Variants in CARS1 observed in about 807,000 individuals in gnomAD.
CARS1 encodes cysteinyl-tRNA synthetase 1, also known as cysteine--tRNA ligase, cytoplasmic.
In CARS1, 48 loss-of-function variants were observed where a neutral mutation model predicts 106.2. That is an observed-to-expected ratio of 0.45 (90% CI 0.36 to 0.57). The LOEUF is 0.57. Among genes scored for constraint, CARS1 ranks in the 20% least tolerant of loss-of-function variants. The pLI is 0.00. For synonymous variants in CARS1, 409 were observed against 403.4 expected, an observed-to-expected ratio of 1.01 and a Z score of -0.17; for missense variants, 968 against 1,057.2, an observed-to-expected ratio of 0.92 and a Z score of 1.17.
In CARS1 at chr11:3,017,523, A is replaced by T; in HGVS notation, c.1728-228T>A. The stretch of plus-strand genomic sequence containing the variant: ...CCAGGTATGGTGGCGCATGCCTGTA[A>T]CCCCAGCTACTCGGGAGGCTGAGGC... On this transcript the variant is annotated intron_variant, in intron 15 of 22. Coordinates refer to ENST00000380525, the MANE Select transcript of CARS1 (RefSeq NM_001014437.3). The surrounding 1 kb of genome is among the most constrained non-coding windows in gnomAD (Gnocchi z 4.9). 1.8e-6 allele frequency: 1 copy of T among 566,600 alleles called. No individual in the cohort carries two copies. The highest frequency in any genetic ancestry group is 3.1e-6 in the Non-Finnish European group (1 of 319,348). The allele number at this position is 566,600 out of a possible 1,614,324, so 35.1% of individuals were successfully genotyped here. A position where few individuals can be genotyped will look rare whatever the true frequency, so the allele number is the denominator to read the frequency against.
At chr11:3,049,541 T>G (rs577665220) in intron 1 of CARS1, among the ~76,000 whole-genome samples, 4 of 152,294 alleles carry the variant, frequency 2.6e-5, no homozygotes, top group Admixed American at 2.6e-4. Context: ...TGAGCACAGG[T>G]GCATCCAAAC....
At position 3,038,982 on chromosome 11, in the gene CARS1, A is replaced by G. The variant is rs1040509634; in HGVS notation, c.651+212T>C. On this transcript the variant is annotated intron_variant, in intron 6 of 22. Coordinates refer to ENST00000380525, the MANE Select transcript of CARS1 (RefSeq NM_001014437.3). This position sits in a 1 kb window ranked among gnomAD's most constrained non-coding sequence, Gnocchi z 4.0. ...GTGGCAGGAATGTCACCTACTCTCC[A>G]CTCCACTCCAGTACATCTTTGCTGG... 2.6e-5 allele frequency among the ~76,000 whole-genome samples: 4 copies of G among 151,884 alleles called. No individual in the cohort carries two copies. The highest frequency in any genetic ancestry group is 4.8e-5 in the African/African-American group (2 of 41,324).
rs749663366 is a variant in CARS1 at position 3,047,924 on chromosome 11, G to A, written c.103C>T (p.Arg35Cys). The A allele has an allele frequency of 1.7e-5, 28 of 1,614,014 alleles. No individual in the cohort carries two copies. The highest frequency in any genetic ancestry group is 1.6e-4 in the Middle Eastern group (1 of 6,084). Residue 35 changes from arginine (R) to cysteine (C), a missense_variant, in exon 2 of 23, where the codon CGT becomes TGT. Coordinates refer to ENST00000380525, the MANE Select transcript of CARS1 (RefSeq NM_001014437.3). ...AGTGAGTACCCCTGGACATAGCTACGCGTGCTGAGGTGCTCGTTCAGGGCT... is the reference window on the plus strand; with the variant it reads ...AGTGAGTACCCCTGGACATAGCTACACGTGCTGAGGTGCTCGTTCAGGGCT... ...AQALNEHLST[R>C]SYVQGYSLSQ...
chr11:3,009,999 C>T (rs1365953480), intron 18 of CARS1, among the ~76,000 whole-genome samples: 1 of 152,218 alleles, frequency 6.6e-6, no homozygotes, highest in Non-Finnish European at 1.5e-5. Context: ...CTCTGGCTCA[C>T]AAGGCACATA....
At chr11:3,032,120 T>C (rs1852917400) in intron 7 of CARS1, among the ~76,000 whole-genome samples, 1 of 147,152 alleles carries the variant, frequency 6.8e-6, no homozygotes, top group Non-Finnish European at 1.5e-5. Context: ...GTCACCAGGC[T>C]GGAGTGCAGT....
In CARS1 at chr11:3,040,846, C is replaced by A; in HGVS notation, c.455+50G>T. The A allele has an allele frequency of 6.3e-7, 1 of 1,597,438 alleles. No homozygotes were observed. The highest frequency in any genetic ancestry group is 2.2e-5 in the East Asian group (1 of 44,710). ...CTGCTGTGGATCCCAATGGCTCTGA[C>A]TTCTGCGTGCAACTGCAGAAGCTGC... On this transcript the variant is annotated intron_variant, in intron 4 of 22. Transcript: ENST00000380525. The surrounding 1 kb of genome is among the most constrained non-coding windows in gnomAD (Gnocchi z 5.8).
At chr11:3,055,410 G>GGATT (rs1322504096) in intron 1 of CARS1, among the ~76,000 whole-genome samples, 3 of 152,178 alleles carry the variant, frequency 2.0e-5, no homozygotes, top group African/African-American at 7.2e-5. Flanking sequence ...CAAAGTGCTG[G>GGATT]GATTACAGGT....
At position 3,057,200 on chromosome 11, in the gene CARS1, C is replaced by T. The variant is rs1856304358; in HGVS notation, c.25+143G>A. ...CCCTCAGACCTCGGGCACTGCCGCC[C>T]CTCAGACCACGGACACAGCTGCCCC... On this transcript the variant is annotated intron_variant, in intron 1 of 22. Transcript: ENST00000380525. 5 of 730,884 alleles carry T rather than the reference C, an allele frequency of 6.8e-6. No individual in the cohort carries two copies. The South Asian group carries it at 8.4e-5, about 12-fold the overall frequency. The allele number at this position is 730,884 out of a possible 1,614,324, so 45.3% of individuals were successfully genotyped here.
In CARS1 at chr11:3,025,849, A is replaced by G. The variant is rs1852014576; in HGVS notation, c.1153+827T>C. 1.3e-5 allele frequency among the ~76,000 whole-genome samples: 2 copies of G among 152,210 alleles called. 1 individual carries two copies. Among genetic ancestry groups the G allele is most frequent in the South Asian group, 4.1e-4 (2 of 4,830 alleles). The stretch of plus-strand genomic sequence containing the variant: ...CAGATGGGCGCACAGGCTGTTGTCA[A>G]ATATGCATCACTCGGCACACATCCC... On this transcript the variant is annotated intron_variant, in intron 10 of 22. Transcript: ENST00000380525.
At chr11:3,026,980 C>T in intron 9 of CARS1, 183 bp from the exon 10 acceptor site, 1 of 651,364 alleles carries the variant, frequency 1.5e-6, no homozygotes, top group Non-Finnish European at 2.5e-6. Flanking sequence ...AGGGCCCATC[C>T]CGCTGCGGAG....
At position 3,018,515 on chromosome 11, in the gene CARS1, T is replaced by TG. The variant is rs1303576368; in HGVS notation, c.1526-5dup. On this transcript the variant is annotated splice_region_variant and splice_polypyrimidine_tract_variant and intron_variant, in intron 13 of 22. Transcript: ENST00000380525. The stretch of plus-strand genomic sequence containing the variant: ...AAGGCCAGCCGCAACTGCCGTGCTG[T>TG]GGGGGGACACAAGACAGCCAACGCC... 17 of 1,613,376 alleles carry TG rather than the reference T, an allele frequency of 1.1e-5. No individual in the cohort carries two copies. The highest frequency in any genetic ancestry group is 4.0e-5 in the African/African-American group (3 of 74,886).
chr11:3,028,936 G>A lies in CARS1; in HGVS notation c.1031+60C>T. 2 of 1,156,460 alleles carry A rather than the reference G, an allele frequency of 1.7e-6. No individual in the cohort carries two copies. The highest frequency in any genetic ancestry group is 2.6e-6 in the Non-Finnish European group (2 of 765,720). 71.6% of individuals were successfully genotyped at this position (1,156,460 alleles called of 1,614,324 possible). A position where few individuals can be genotyped will look rare whatever the true frequency, so the allele number is the denominator to read the frequency against. On this transcript the variant is annotated intron_variant, in intron 9 of 22. Transcript: ENST00000380525. This position sits in a 1 kb window ranked among gnomAD's most constrained non-coding sequence, Gnocchi z 4.4. ...CCAAACTCAGGCTCAGAGCTGGGGA[G>A]CTCCTCCCTGTGCGATGTTCTGCAG...
In CARS1 at chr11:3,001,167, CCTGAGCCTCGAAGAGCTTCTT is replaced by C. The variant is rs754367961; in HGVS notation, c.2422_2442del (p.Lys808_Gln814del). 1 of 1,614,152 alleles carries C rather than the reference CCTGAGCCTCGAAGAGCTTCTT, an allele frequency of 6.2e-7. No individual in the cohort carries two copies. Among genetic ancestry groups the C allele is most frequent in the Non-Finnish European group, 8.5e-7 (1 of 1,180,028 alleles). On this transcript the variant is annotated inframe_deletion, in exon 23 of 23. Coordinates refer to ENST00000380525, the MANE Select transcript of CARS1 (RefSeq NM_001014437.3). ...TGCAGATATTCCTTGTAGAGCTTCT[CCTGAGCCTCGAAGAGCTTCTT>C]CAGCTTCTTGGCTTGCCCTTTGCTG...
In CARS1 at chr11:3,044,151, A is replaced by C. The variant is rs1854832479; in HGVS notation, c.275-1895T>G. Among the ~76,000 whole-genome samples the C allele has an allele frequency of 2.6e-5, 4 of 152,162 alleles. 1 individual carries two copies. In the South Asian group the frequency reaches 8.3e-4, roughly 32 times the overall value. Reference sequence around the variant, plus strand: ...ATAGGACACTGCTGCCATCTCAGACAGCTGGAGACGCTGCCCAGAAACACA... The same window carrying C: ...ATAGGACACTGCTGCCATCTCAGACCGCTGGAGACGCTGCCCAGAAACACA... On this transcript the variant is annotated intron_variant, in intron 2 of 22. Transcript: ENST00000380525. This position sits in a 1 kb window ranked among gnomAD's most constrained non-coding sequence, Gnocchi z 4.4.
chr11:3,049,761 CT>C (rs1233842288), intron 1 of CARS1, among the ~76,000 whole-genome samples: 1 of 152,224 alleles, frequency 6.6e-6, no homozygotes, highest in Non-Finnish European at 1.5e-5. Context: ...CACAGTCCCC[CT>C]CTCTGCCTTC....
intron 22 of CARS1, among the ~76,000 whole-genome samples, 193 bp from the exon 23 acceptor site, chr11:3,001,441 T>C (rs958112841): frequency 2.0e-5 from 3 of 151,902 alleles, no homozygotes; most frequent in African/African-American, 7.3e-5. Context: ...CAGCTAAGAA[T>C]GGGAGAGGGG....
rs755084329 is a variant in CARS1, at chr11:3,018,489, G to A, written c.1548C>T (p.Phe516=). ...KHSARQLRLA[F]LMHSWKDTLD... is the part of the protein sequence containing the mutation. Reference sequence around the variant, plus strand: ...GGGTGTCCTTCCACGAGTGCATGAGGAAGGCCAGCCGCAACTGCCGTGCTG... The same window carrying A: ...GGGTGTCCTTCCACGAGTGCATGAGAAAGGCCAGCCGCAACTGCCGTGCTG... The change falls in exon 14 of 23, where the codon TTC becomes TTT. Residue 516 remains phenylalanine, a synonymous_variant. Transcript: ENST00000380525. 2.5e-6 allele frequency: 4 copies of A among 1,614,140 alleles called. No homozygotes were observed. The Admixed American group carries it at 6.7e-5, about 27-fold the overall frequency.
rs903492599 is a variant in CARS1, at chr11:3,022,102, G to A, written c.1154-1770C>T. Among the ~76,000 whole-genome samples the A allele has an allele frequency of 6.6e-4, 100 of 152,158 alleles. No homozygotes were observed. The highest frequency in any genetic ancestry group is 2.1e-3 in the African/African-American group (85 of 41,434). ...AGGCTATAGGCAGAATGATGAGGCC[G>A]GTCACTGGCCAGGTGCAGTGCACGT... On this transcript the variant is annotated intron_variant, in intron 10 of 22. Coordinates refer to ENST00000380525, the MANE Select transcript of CARS1 (RefSeq NM_001014437.3). This position sits in a 1 kb window ranked among gnomAD's most constrained non-coding sequence, Gnocchi z 4.9.
chr11:3,047,005 C>G (rs895474401), intron 2 of CARS1, among the ~76,000 whole-genome samples: 3 of 152,108 alleles, frequency 2.0e-5, no homozygotes, highest in Non-Finnish European at 4.4e-5. Context: ...CGGCCGGGCG[C>G]GGTGGTTCAC....
Sources: allele counts gnomAD v4.1 joint callset (sites outside exome capture counted in the v4.1 genomes callset), GRCh38; gene constraint gnomAD v4.1.1; non-coding constraint Gnocchi (gnomAD v3.1); transcripts MANE v1.5; gene names NCBI Gene and HGNC (gene_info 2026-07-23, HGNC 2026-07-21).